COL6A6: variants seen among roughly 807,000 people sequenced by gnomAD.
COL6A6 encodes collagen type VI alpha 6 chain.
Under a neutral mutation model 208.6 loss-of-function variants are expected in COL6A6, and 183 were observed. The ratio of observed to expected loss-of-function variants is 0.88; its 90% CI spans 0.78 to 0.99. The LOEUF (loss-of-function observed/expected upper bound fraction) is 0.99. Ranked by LOEUF, COL6A6 falls within the 50% of genes least tolerant of loss-of-function variation. The probability of loss-of-function intolerance (pLI) is 0.00; values close to 1 mark genes in which losing one functional copy is unlikely to be tolerated. For missense variants in COL6A6, 2,816 were observed against 2,815.2 expected (o/e 1.00, Z -0.01); for synonymous variants, 973 against 1,011.8 (o/e 0.96, Z 0.73).
At position 130,571,231 on chromosome 3, in the gene COL6A6, A is replaced by G. The variant is rs1420870508; in HGVS notation, c.2815A>G (p.Lys939Glu). Residue 939 changes from lysine (K) to glutamate (E), a missense_variant, in exon 7 of 37, where the codon AAA becomes GAA. Lys to Glu is a moderately conservative substitution (Grantham distance 56, BLOSUM62 1). Coordinates refer to ENST00000358511, the MANE Select transcript of COL6A6 (RefSeq NM_001102608.3). ...TGCCACGGCAAAGGCCTTGCGGGAC[A>G]AAGGCATTCTTGTCCTGGCTGTGGG... ...LNATAKALRD[K>E]GILVLAVGID... The G allele has an allele frequency of 5.0e-6, 8 of 1,614,038 alleles. No homozygotes were observed. The highest frequency in any genetic ancestry group is 6.8e-6 in the Non-Finnish European group (8 of 1,179,894).
intron 1 of COL6A6, among the ~76,000 whole-genome samples, chr3:130,539,684 T>C (rs1170409513): frequency 6.6e-6 from 1 of 152,018 alleles, no homozygotes; most frequent in Non-Finnish European, 1.5e-5. Context: ...GGTTCTGCAG[T>C]ACACCATGAA....
rs1234752690 is a variant in COL6A6, at chr3:130,598,360, T to C, written c.4534-5T>C. The stretch of plus-strand genomic sequence containing the variant: ...TTAATTTTTCTCTTTATTTTCTATT[T>C]TTAGGGAGCTCCTGGAGTTGACAGT... On this transcript the variant is annotated splice_region_variant and splice_polypyrimidine_tract_variant and intron_variant, in intron 18 of 36. Coordinates refer to ENST00000358511, the MANE Select transcript of COL6A6 (RefSeq NM_001102608.3). 3 of 1,536,626 alleles carry C rather than the reference T, an allele frequency of 2.0e-6. No individual in the cohort carries two copies. Among genetic ancestry groups the C allele is most frequent in the Non-Finnish European group, 1.8e-6 (2 of 1,134,370 alleles).
In COL6A6 at chr3:130,570,076, T is replaced by A. The variant is rs75290893; in HGVS notation, c.2402-742T>A. ...TACAATTCCCCTTCTCCAGAATGGA[T>A]GAGTTAGTTTTGGAACACTGCACCT... On this transcript the variant is annotated intron_variant, in intron 6 of 36. Coordinates refer to ENST00000358511, the MANE Select transcript of COL6A6 (RefSeq NM_001102608.3). Among the ~76,000 whole-genome samples the A allele has an allele frequency of 1.8e-3, 278 of 152,292 alleles. 1 individual carries two copies. The highest frequency in any genetic ancestry group is 2.9e-3 in the Admixed American group (45 of 15,294).
Position 130,593,325 on chromosome 3 carries a change from C to T in COL6A6, c.4470+73C>T, listed in dbSNP as rs72994327. ...GGTGTGATTAACAGAGTAGAATACT[C>T]AGTCAGCTATTGCTACAAAACTGTT... On this transcript the variant is annotated intron_variant, in intron 17 of 36. Coordinates refer to ENST00000358511, the MANE Select transcript of COL6A6 (RefSeq NM_001102608.3). The T allele has an allele frequency of 3.5e-3, 4,125 of 1,172,532 alleles. 113 individuals carry two copies. The African/African-American group carries it at 0.055, about 16-fold the overall frequency. 72.6% of individuals were successfully genotyped at this position (1,172,532 alleles called of 1,614,324 possible).
In COL6A6 at chr3:130,586,588, GA is replaced by G. The variant is rs755320209; in HGVS notation, c.4056del (p.Gly1353AspfsTer12). 1 of 1,613,872 alleles carries G rather than the reference GA, an allele frequency of 6.2e-7. No individual in the cohort carries two copies. The highest frequency in any genetic ancestry group is 8.5e-7 in the Non-Finnish European group (1 of 1,179,888). ...LADLPYIEFG[K>X]GFEYRTQLSI... ...CTGATCTTCCCTATATTGAATTTGG[GA>G]AAGGATTTGAGTACAGGACACAGCT... On this transcript the variant is annotated frameshift_variant, in exon 11 of 37. Transcript: ENST00000358511. LOFTEE classifies it high-confidence loss of function.
Position 130,661,646 on chromosome 3 carries a change from A to C in COL6A6, c.5840A>C (p.Lys1947Thr). The C allele has an allele frequency of 6.2e-7, 1 of 1,612,270 alleles. No homozygotes were observed. Among genetic ancestry groups the C allele is most frequent in the Middle Eastern group, 1.7e-4 (1 of 6,046 alleles). Residue 1947 changes from lysine to threonine, a missense_variant, in exon 35 of 37, where the codon AAG becomes ACG. Coordinates refer to ENST00000358511, the MANE Select transcript of COL6A6 (RefSeq NM_001102608.3). Reference protein sequence around the residue: ...QRCTFCYDVCKPDASCDQARP... With the variant: ...QRCTFCYDVCTPDASCDQARP... ...AACTTTTGGTTCACAGATGTGTGCA[A>C]GCCAGATGCTTCTTGTGACCAAGCC... is the stretch of plus-strand genomic sequence containing the variant.
At chr3:130,658,637 T>G (rs1165399355) in intron 33 of COL6A6, 39 bp from the exon 34 acceptor site, 1 of 1,380,208 alleles carries the variant, frequency 7.2e-7, no homozygotes, top group African/African-American at 1.4e-5. Flanking sequence ...CTTGCAGCCC[T>G]ACCCACTAAG....
chr3:130,528,242 G>T (rs573454027), intron 1 of COL6A6, among the ~76,000 whole-genome samples: 2 of 152,290 alleles, frequency 1.3e-5, no homozygotes, highest in East Asian at 3.9e-4. Flanking sequence ...GAACAAAAAG[G>T]TTGCCAGAGA....
intron 1 of COL6A6, among the ~76,000 whole-genome samples, chr3:130,539,377 T>C (rs2062301588): frequency 6.6e-6 from 1 of 152,240 alleles, no homozygotes; most frequent in Non-Finnish European, 1.5e-5. Flanking sequence ...GGCTCACGCC[T>C]GTAATCCCAG....
intron 10 of COL6A6, among the ~76,000 whole-genome samples, chr3:130,585,120 C>T (rs1425739212): frequency 6.6e-6 from 1 of 152,134 alleles, no homozygotes; most frequent in Admixed American, 6.5e-5. Flanking sequence ...TTCATTGGTA[C>T]CCAATTCTCA....
At position 130,563,517 on chromosome 3, in the gene COL6A6, G is replaced by T. The variant is rs767981675; in HGVS notation, c.514G>T (p.Glu172Ter). ...ISVGVQKASE[E>*]NLKAMATSQF... ...TGTAGGGGTGCAGAAAGCTTCTGAG[G>T]AAAACCTGAAGGCCATGGCCACGTC... is the stretch of plus-strand genomic sequence containing the variant. The change falls in exon 3 of 37, where the codon GAA becomes TAA. Residue 172 changes from glutamate (E) to a stop codon, truncating the protein, a stop_gained. Transcript: ENST00000358511. LOFTEE classifies it high-confidence loss of function. 1.2e-6 allele frequency: 2 copies of T among 1,613,984 alleles called. No individual in the cohort carries two copies. The highest frequency in any genetic ancestry group is 2.2e-5 in the South Asian group (2 of 91,076).
At chr3:130,570,605 C>T (rs1020992006) in intron 6 of COL6A6, among the ~76,000 whole-genome samples, 2 of 152,090 alleles carry the variant, frequency 1.3e-5, no homozygotes, top group East Asian at 1.9e-4. Context: ...CACTGACTCC[C>T]GCCTTATCTT....
intron 1 of COL6A6, among the ~76,000 whole-genome samples, chr3:130,555,226 A>G (rs773371782): frequency 6.6e-6 from 1 of 152,136 alleles, no homozygotes; most frequent in South Asian, 2.1e-4. Flanking sequence ...TTGGGGTCTC[A>G]TGCTTCCAGG....
chr3:130,661,550 T>G (rs1249379346), intron 34 of COL6A6, 87 bp from the exon 35 acceptor site: 1 of 1,014,080 alleles, frequency 9.9e-7, no homozygotes, highest in Non-Finnish European at 1.5e-6. Flanking sequence ...TCAAAGACTA[T>G]GCAGTTTCCA....
At chr3:130,638,667 G>A (rs184399618) in intron 28 of COL6A6, among the ~76,000 whole-genome samples, 53 of 151,430 alleles carry the variant, frequency 3.5e-4, no homozygotes, top group Admixed American at 3.0e-3. Context: ...GAAAGGATTT[G>A]TAGTACCTTG....
intron 23 of COL6A6, among the ~76,000 whole-genome samples, chr3:130,611,189 C>T (rs2108216001): frequency 6.6e-6 from 1 of 151,838 alleles, no homozygotes; most frequent in East Asian, 1.9e-4. Context: ...TTAATATAGA[C>T]CTAGGGTTGG....
chr3:130,586,981 G>A (rs979106319), intron 11 of COL6A6, among the ~76,000 whole-genome samples: 3 of 152,132 alleles, frequency 2.0e-5, no homozygotes, highest in Non-Finnish European at 4.4e-5. Flanking sequence ...TCTGAGATGC[G>A]AGCGTGAATC....
intron 1 of COL6A6, among the ~76,000 whole-genome samples, chr3:130,556,828 A>G (rs73868904): frequency 0.033 from 4,986 of 152,270 alleles, 293 homozygotes; most frequent in African/African-American, 0.11. Flanking sequence ...TCAGCGCTGA[A>G]GACATGCTCC....
chr3:130,594,338 G>GA lies in COL6A6; in HGVS notation c.4529dup (p.Asp1510GlufsTer8). The GA allele has an allele frequency of 6.2e-7, 1 of 1,612,870 alleles. No individual in the cohort carries two copies. The stretch of plus-strand genomic sequence containing the variant: ...CCGTGGAGCAAAGGGCCTGCGAGGG[G>GA]ATCCCGTAAGTGCACGGGCTGCAAA... On this transcript the variant is annotated frameshift_variant, in exon 18 of 37. Transcript: ENST00000358511. LOFTEE classifies it high-confidence loss of function.
Sources: allele counts gnomAD v4.1 joint callset (sites outside exome capture counted in the v4.1 genomes callset), GRCh38; gene constraint gnomAD v4.1.1; transcripts MANE v1.5; gene names NCBI Gene and HGNC (gene_info 2026-07-23, HGNC 2026-07-21).